Variants in HERC1 observed in about 807,000 individuals in gnomAD.
HERC1 encodes HECT and RLD domain containing E3 ubiquitin protein ligase family member 1.
HERC1 carries 160 observed loss-of-function variants against 554.3 expected under a neutral mutation model. The observed-to-expected ratio is 0.29, with a 90% CI of 0.25 to 0.33. The LOEUF (loss-of-function observed/expected upper bound fraction) is 0.33. Among genes scored for constraint, HERC1 ranks in the 10% least tolerant of loss-of-function variants. The probability of loss-of-function intolerance (pLI) is 1.00; values close to 1 mark genes in which losing one functional copy is unlikely to be tolerated. For missense variants in HERC1, 4,919 were observed against 5,918.5 expected (o/e 0.83, Z 5.54); for synonymous variants, 2,175 against 2,131.7 (o/e 1.02, Z -0.56).
At chr15:63,787,009 T>G (rs911691996) in intron 1 of HERC1, among the ~76,000 whole-genome samples, 1 of 151,232 alleles carries the variant, frequency 6.6e-6, no homozygotes, top group African/African-American at 2.4e-5. Flanking sequence ...GCCCAGCTAA[T>G]TTTTGCATTT....
intron 1 of HERC1, among the ~76,000 whole-genome samples, chr15:63,796,259 A>G (rs2076809602): frequency 6.6e-6 from 1 of 152,254 alleles, no homozygotes; most frequent in South Asian, 2.1e-4. Context: ...TCCATATGCC[A>G]ACATATTTTC....
At chr15:63,700,814 T>C (rs1031802484) in intron 25 of HERC1, among the ~76,000 whole-genome samples, 2 of 151,498 alleles carry the variant, frequency 1.3e-5, no homozygotes, top group African/African-American at 4.8e-5. Context: ...TATTCTTTCA[T>C]GTGACACAGA....
chr15:63,750,863 G>C (rs1288309339), intron 8 of HERC1, among the ~76,000 whole-genome samples: 1 of 152,174 alleles, frequency 6.6e-6, no homozygotes, highest in African/African-American at 2.4e-5. Context: ...AGCCCAGGAG[G>C]TAGGTCAAGG....
In HERC1 at chr15:63,694,067, A is replaced by T; in HGVS notation, c.5571T>A (p.Gly1857=). The T allele has an allele frequency of 6.2e-7, 1 of 1,609,000 alleles. No homozygotes were observed. The highest frequency in any genetic ancestry group is 8.5e-7 in the Non-Finnish European group (1 of 1,177,526). ...SQLKNLLSQT[G]VLHMASFGEG... ...CTCCGAAAGAGGCCATATGTAGTAC[A>T]CCAGTTTGGGACAATAAATTCTTCA... is the stretch of plus-strand genomic sequence containing the variant. Residue 1857 remains glycine, a synonymous_variant, in exon 30 of 78, where the codon GGT becomes GGA. Coordinates refer to ENST00000443617, the MANE Select transcript of HERC1 (RefSeq NM_003922.4). The surrounding 1 kb of genome is among the most constrained non-coding windows in gnomAD (Gnocchi z 4.3).
intron 2 of HERC1, among the ~76,000 whole-genome samples, chr15:63,773,922 T>C (rs960332992): frequency 6.6e-5 from 10 of 152,222 alleles, no homozygotes; most frequent in South Asian, 2.1e-4. Flanking sequence ...ATTCTTGAAA[T>C]TGATTATACT....
intron 1 of HERC1, among the ~76,000 whole-genome samples, chr15:63,798,992 T>C (rs1403186105): frequency 6.6e-6 from 1 of 152,138 alleles, no homozygotes; most frequent in East Asian, 1.9e-4. Flanking sequence ...AAAAAAGAAG[T>C]TGACTTTTTT....
intron 74 of HERC1, 94 bp from the exon 75 acceptor site, chr15:63,616,776 TAC>T: frequency 9.1e-7 from 1 of 1,094,982 alleles, no homozygotes; most frequent in Non-Finnish European, 1.3e-6. Context: ...TCTATACCTG[TAC>T]TGTTCAATAT....
chr15:63,610,397 C>T (rs2067533095), intron 77 of HERC1, among the ~76,000 whole-genome samples: 1 of 152,180 alleles, frequency 6.6e-6, no homozygotes, highest in African/African-American at 2.4e-5. Context: ...GAACCGACCA[C>T]GGTAGTCAGT....
In HERC1 at chr15:63,734,884, T is replaced by C; in HGVS notation, c.2521-35A>G. The C allele has an allele frequency of 6.3e-7, 1 of 1,579,584 alleles. No homozygotes were observed. The highest frequency in any genetic ancestry group is 8.6e-7 in the Non-Finnish European group (1 of 1,162,434). The stretch of plus-strand genomic sequence containing the variant: ...AAAGAGAAAAGTATACTGATTGGCC[T>C]GGTTCTTAGTTTTTAATAAAAACAC... On this transcript the variant is annotated intron_variant, in intron 12 of 77. Transcript: ENST00000443617. This position sits in a 1 kb window ranked among gnomAD's most constrained non-coding sequence, Gnocchi z 4.6.
chr15:63,635,024 CT>C (rs2068719648), intron 65 of HERC1, 136 bp from the exon 66 acceptor site: 26 of 590,976 alleles, frequency 4.4e-5, no homozygotes, highest in East Asian at 9.5e-5. Flanking sequence ...AAGACCAATG[CT>C]TTTAAAAATT....
rs529307436 is a variant in HERC1 at position 63,705,344 on chromosome 15, G to C, written c.4636+1436C>G. ...TTTTTTTTTCTTTTTGGCAGAGACA[G>C]GGGTCTCACTATGTTGCCCAGACTA... On this transcript the variant is annotated intron_variant, in intron 25 of 77. Coordinates refer to ENST00000443617, the MANE Select transcript of HERC1 (RefSeq NM_003922.4). Among the ~76,000 whole-genome samples the C allele has an allele frequency of 3.3e-5, 5 of 151,800 alleles. No homozygotes were observed. The South Asian group carries it at 1.0e-3, about 32-fold the overall frequency.
At position 63,663,193 on chromosome 15, in the gene HERC1, G is replaced by A. The variant is rs762381150; in HGVS notation, c.8692C>T (p.Arg2898Cys). 16 of 1,613,396 alleles carry A rather than the reference G, an allele frequency of 9.9e-6. No homozygotes were observed. The highest frequency in any genetic ancestry group is 1.3e-5 in the African/African-American group (1 of 74,874). Residue 2898 changes from arginine (R) to cysteine (C), a missense_variant, in exon 44 of 78, where the codon CGC becomes TGC. Arg to Cys is a radical substitution (Grantham distance 180, BLOSUM62 -3). Coordinates refer to ENST00000443617, the MANE Select transcript of HERC1 (RefSeq NM_003922.4). Reference sequence around the variant, plus strand: ...TGATTCCTGTGGGCCTGCACAGAGCGGTATAATCCCGCTCAGAACAAAACA... The same window carrying A: ...TGATTCCTGTGGGCCTGCACAGAGCAGTATAATCCCGCTCAGAACAAAACA... ...TLLARAAGLY[R>C]SVQAHRNQSR...
At chr15:63,724,913 T>C (rs1257187494) in intron 18 of HERC1, among the ~76,000 whole-genome samples, 2 of 152,178 alleles carry the variant, frequency 1.3e-5, no homozygotes, top group African/African-American at 4.8e-5. Context: ...CACTCACATC[T>C]CAGGGGTGCT....
chr15:63,624,257 G>A lies in HERC1; in HGVS notation c.13346C>T (p.Pro4449Leu). Reference protein sequence around the residue: ...VQGQLRPLLAPRVYTLPMVRS... With the variant: ...VQGQLRPLLALRVYTLPMVRS... ...CACCATTGGCAGAGTGTAGACTCTT[G>A]GGGCTAACAAAGGCCGAAGTTGTCC... Residue 4449 changes from proline to leucine, a missense_variant, in exon 72 of 78, where the codon CCA becomes CTA. This residue lies in a region of HERC1 where 410 missense variants were observed against 467.0 expected (regional missense o/e 0.88). Transcript: ENST00000443617. 6.2e-7 allele frequency: 1 copy of A among 1,613,854 alleles called. No homozygotes were observed. The highest frequency in any genetic ancestry group is 8.5e-7 in the Non-Finnish European group (1 of 1,179,752).
chr15:63,635,193 A>G (rs948564560), intron 65 of HERC1, among the ~76,000 whole-genome samples: 2 of 152,124 alleles, frequency 1.3e-5, no homozygotes, highest in Non-Finnish European at 2.9e-5. Context: ...GACTACAGGC[A>G]TGTGCTACCA....
chr15:63,703,443 A>T (rs2072837503), intron 25 of HERC1, among the ~76,000 whole-genome samples: 1 of 152,254 alleles, frequency 6.6e-6, no homozygotes, highest in African/African-American at 2.4e-5. Flanking sequence ...ACTTCAGTAA[A>T]CAGGATATAA....
chr15:63,818,463 G>A (rs2077572414), intron 1 of HERC1, among the ~76,000 whole-genome samples: 1 of 151,820 alleles, frequency 6.6e-6, no homozygotes, highest in Admixed American at 6.6e-5. Context: ...GACAGCACCA[G>A]GAAAAAATAA....
intron 1 of HERC1, among the ~76,000 whole-genome samples, chr15:63,819,317 G>A (rs559861407): frequency 6.6e-6 from 1 of 152,210 alleles, no homozygotes; most frequent in South Asian, 2.1e-4. Context: ...TCAAATGGAA[G>A]AATAACATCT....
intron 52 of HERC1, 107 bp from the exon 53 acceptor site, chr15:63,651,487 A>G: frequency 9.7e-7 from 1 of 1,036,190 alleles, no homozygotes; most frequent in Non-Finnish European, 1.4e-6. Flanking sequence ...TGTATAACTG[A>G]TTCTTCTGTT....
Sources: gnomAD v4.1 joint callset for allele counts (sites outside exome capture counted in the v4.1 genomes callset) on GRCh38, gnomAD v4.1.1 for gene constraint, gnomAD v4.1.1 regional missense constraint, Gnocchi (gnomAD v3.1) non-coding constraint, MANE v1.5 for transcripts, NCBI Gene and HGNC (gene_info 2026-07-23, HGNC 2026-07-21) for gene names.